EHBP1: variants seen among roughly 807,000 people sequenced by gnomAD.
EHBP1 encodes the protein EH domain-binding protein 1.
Under a neutral mutation model 144.0 loss-of-function variants are expected in EHBP1, and 55 were observed. That is an observed-to-expected ratio of 0.38 (90% CI 0.31 to 0.48). The LOEUF is 0.48. EHBP1 is among the 20% of genes least tolerant of loss of function. EHBP1 has a pLI of 0.98. For synonymous variants in EHBP1, 469 were observed against 472.7 expected, an observed-to-expected ratio of 0.99 and a Z score of 0.10; for missense variants, 1,200 against 1,364.2, an observed-to-expected ratio of 0.88 and a Z score of 1.90.
In EHBP1 at chr2:62,864,966, G is replaced by A; in HGVS notation, c.993G>A (p.Leu331=). The A allele has an allele frequency of 6.2e-7, 1 of 1,612,708 alleles. No individual in the cohort carries two copies. The highest frequency in any genetic ancestry group is 8.5e-7 in the Non-Finnish European group (1 of 1,179,712). The part of the protein sequence containing the change: ...ADSSKTEEEE[L]DESNPFYEPK... ...GTTCTAAAACTGAAGAAGAAGAATT[G>A]GATGAGTAAGTACATTTCATTTTGC... The change falls in exon 9 of 23, where the codon TTG becomes TTA. Residue 331 remains leucine, a synonymous_variant. Transcript: ENST00000431489.
rs942904314 is a variant in EHBP1 at position 62,986,572 on chromosome 2, G to A, written c.2609-4144G>A. 4.6e-5 allele frequency among the ~76,000 whole-genome samples: 7 copies of A among 151,014 alleles called. No individual in the cohort carries two copies. In the East Asian group the frequency reaches 1.4e-3, roughly 30 times the overall value. Reference sequence around the variant, plus strand: ...ATTCTCCTGCCTCAGCCTCGTAGCTGGGACTACAGGCGCACACCACCACAC... The same window carrying A: ...ATTCTCCTGCCTCAGCCTCGTAGCTAGGACTACAGGCGCACACCACCACAC... On this transcript the variant is annotated intron_variant, in intron 15 of 22. Transcript: ENST00000431489.
intron 1 of EHBP1, among the ~76,000 whole-genome samples, chr2:62,687,066 C>G (rs982212438): frequency 5.3e-5 from 8 of 152,182 alleles, no homozygotes; most frequent in African/African-American, 1.9e-4. Context: ...CTCTTTCCAC[C>G]ACTTAATGCT....
chr2:62,699,218 C>G (rs2034200876), intron 1 of EHBP1, among the ~76,000 whole-genome samples: 2 of 152,154 alleles, frequency 1.3e-5, no homozygotes, highest in Non-Finnish European at 2.9e-5. Flanking sequence ...GATGCTGTAT[C>G]TGGTTACCTG....
intron 19 of EHBP1, among the ~76,000 whole-genome samples, chr2:63,031,231 G>A (rs1274818084): frequency 2.0e-5 from 3 of 152,182 alleles, no homozygotes; most frequent in Non-Finnish European, 4.4e-5. Flanking sequence ...GACAGGGAGT[G>A]GGTAGAATGG....
intron 15 of EHBP1, among the ~76,000 whole-genome samples, chr2:62,990,340 A>G (rs1039493456): frequency 2.6e-5 from 4 of 152,132 alleles, no homozygotes. Flanking sequence ...CTACAAAATA[A>G]TATTCAAAAT....
intron 7 of EHBP1, among the ~76,000 whole-genome samples, chr2:62,844,177 A>G (rs536288610): frequency 3.3e-4 from 50 of 152,322 alleles, no homozygotes; most frequent in Middle Eastern, 3.4e-3. Context: ...AGTTGCTGTT[A>G]AATTAGCAGT....
rs750441921 is a variant in EHBP1 at position 63,045,147 on chromosome 2, C to A, written c.3359C>A (p.Ala1120Glu). Residue 1120 changes from alanine to glutamate, a missense_variant, in exon 22 of 23, where the codon GCG becomes GAG. Transcript: ENST00000431489. This position sits in a 1 kb window ranked among gnomAD's most constrained non-coding sequence, Gnocchi z 5.7. Reference sequence around the variant, plus strand: ...GTGGCCCTGGTGAACAAGCGCGATGCGCTCGTCAGGGACCTGGACGCGCAG... The same window carrying A: ...GTGGCCCTGGTGAACAAGCGCGATGAGCTCGTCAGGGACCTGGACGCGCAG... The part of the protein sequence containing the change: ...ELVALVNKRD[A>E]LVRDLDAQEK... The A allele has an allele frequency of 1.3e-6, 2 of 1,595,082 alleles. No individual in the cohort carries two copies. The highest frequency in any genetic ancestry group is 1.3e-5 in the African/African-American group (1 of 74,558).
intron 19 of EHBP1, among the ~76,000 whole-genome samples, chr2:63,007,321 T>G (rs1443515292): frequency 6.6e-6 from 1 of 151,912 alleles, no homozygotes; most frequent in Non-Finnish European, 1.5e-5. Context: ...TAGTTGTAAC[T>G]ATTTAAGGGA....
chr2:63,044,614 A>G, intron 21 of EHBP1: 1 of 151,522 alleles, frequency 6.6e-6, no homozygotes. Flanking sequence ...TTGGGGTGAG[A>G]GTGGGGGTGG....
chr2:62,851,874 A>T (rs1295938235), intron 7 of EHBP1, among the ~76,000 whole-genome samples: 2 of 152,186 alleles, frequency 1.3e-5, no homozygotes, highest in Non-Finnish European at 2.9e-5. Flanking sequence ...TAGTGAAGAG[A>T]ATGTAAAGAA....
At chr2:62,756,928 A>G (rs951819790) in intron 3 of EHBP1, among the ~76,000 whole-genome samples, 5 of 152,196 alleles carry the variant, frequency 3.3e-5, no homozygotes, top group African/African-American at 7.2e-5. Flanking sequence ...AGTGAGATCC[A>G]TGACATTTCA....
chr2:62,838,502 G>A (rs2047494486), intron 7 of EHBP1, among the ~76,000 whole-genome samples: 1 of 152,140 alleles, frequency 6.6e-6, no homozygotes, highest in Non-Finnish European at 1.5e-5. Context: ...GAGCAGAACT[G>A]AAGGAAATAG....
At chr2:62,919,986 T>A (rs536239384) in intron 10 of EHBP1, among the ~76,000 whole-genome samples, 2 of 152,214 alleles carry the variant, frequency 1.3e-5, no homozygotes, top group East Asian at 3.9e-4. Flanking sequence ...AAAGTACCTG[T>A]GAGACACCAT....
chr2:62,811,358 A>G (rs1323425182), intron 5 of EHBP1, among the ~76,000 whole-genome samples: 1 of 152,228 alleles, frequency 6.6e-6, no homozygotes, highest in Non-Finnish European at 1.5e-5. Flanking sequence ...TGAAGCAGAG[A>G]TGTTTTCAGC....
At chr2:62,880,310 T>A (rs748447532) in intron 10 of EHBP1, among the ~76,000 whole-genome samples, 6 of 146,846 alleles carry the variant, frequency 4.1e-5, no homozygotes, top group Non-Finnish European at 6.0e-5. Context: ...TTGGCCCTGA[T>A]GAAGATTTCA....
chr2:62,988,160 A>T, intron 15 of EHBP1: 1 of 613,608 alleles, frequency 1.6e-6, no homozygotes, highest in Non-Finnish European at 2.8e-6. Context: ...GGCCTCATAA[A>T]CCATTTAGCT....
chr2:62,761,636 A>T (rs902810318), intron 3 of EHBP1, among the ~76,000 whole-genome samples: 2 of 152,120 alleles, frequency 1.3e-5, no homozygotes, highest in African/African-American at 4.8e-5. Flanking sequence ...TTGCATCTGC[A>T]CTCATATACT....
chr2:63,014,504 AAT>A (rs1206184882), intron 19 of EHBP1, among the ~76,000 whole-genome samples: 5 of 152,254 alleles, frequency 3.3e-5, no homozygotes, highest in Non-Finnish European at 1.5e-5. Flanking sequence ...GTTCGTTGAT[AAT>A]ATGTTATGAG....
At chr2:62,815,443 T>TTA (rs2045361897) in intron 5 of EHBP1, among the ~76,000 whole-genome samples, 1 of 152,116 alleles carries the variant, frequency 6.6e-6, no homozygotes, top group Admixed American at 6.6e-5. Flanking sequence ...AACACTAGAG[T>TTA]ATTAGTCTTT....
Sources: allele counts gnomAD v4.1 joint callset (sites outside exome capture counted in the v4.1 genomes callset), GRCh38; gene constraint gnomAD v4.1.1; non-coding constraint Gnocchi (gnomAD v3.1); transcripts MANE v1.5; gene names NCBI Gene and HGNC (gene_info 2026-07-23, HGNC 2026-07-21).